ATG7: variants seen among roughly 807,000 people sequenced by gnomAD.
The protein encoded by ATG7 is ubiquitin-like modifier-activating enzyme ATG7.
Under a neutral mutation model 82.4 loss-of-function variants are expected in ATG7, and 70 were observed. The observed-to-expected ratio is 0.85, with a 90% CI of 0.70 to 1.04. The LOEUF is 1.04. Ranked by LOEUF, ATG7 falls within the 50% of genes least tolerant of loss-of-function variation. The pLI, the probability that ATG7 is intolerant of heterozygous loss-of-function variation, is 0.00. For missense variants in ATG7, 792 were observed against 864.3 expected (o/e 0.92, Z 1.05); for synonymous variants, 287 against 313.0 (o/e 0.92, Z 0.88).
At chr3:11,333,170 C>T (rs1210582414) in intron 11 of ATG7, 77 bp downstream of exon 11, 9 of 1,430,228 alleles carry the variant, frequency 6.3e-6, no homozygotes, top group Admixed American at 5.4e-5. Flanking sequence ...CTTTTCATAT[C>T]GTCACAATGG....
intron 11 of ATG7, among the ~76,000 whole-genome samples, chr3:11,338,023 T>A (rs1463033874): frequency 6.6e-6 from 1 of 152,124 alleles, no homozygotes; most frequent in Non-Finnish European, 1.5e-5. Context: ...TAAACTTGTT[T>A]CCCAGGGGTT....
At chr3:11,290,112 T>A (rs1944724277) in intron 3 of ATG7, among the ~76,000 whole-genome samples, 1 of 152,216 alleles carries the variant, frequency 6.6e-6, no homozygotes, top group African/African-American at 2.4e-5. Context: ...CCAATTAGTG[T>A]TCCAGCTCAC....
At chr3:11,493,540 A>T (rs1271401110) in intron 20 of ATG7, among the ~76,000 whole-genome samples, 1 of 152,160 alleles carries the variant, frequency 6.6e-6, no homozygotes, top group Non-Finnish European at 1.5e-5. Context: ...TGGGGTTTCC[A>T]CTGGGGACCT....
chr3:11,486,097 A>G (rs2089613259), intron 20 of ATG7, among the ~76,000 whole-genome samples: 1 of 152,294 alleles, frequency 6.6e-6, no homozygotes, highest in East Asian at 1.9e-4. Flanking sequence ...TGGTAGCTTG[A>G]TGGGGATGGC....
At chr3:11,421,159 A>G (rs1359381472) in intron 19 of ATG7, among the ~76,000 whole-genome samples, 1 of 152,104 alleles carries the variant, frequency 6.6e-6, no homozygotes, top group Non-Finnish European at 1.5e-5. Context: ...GATGGTGGCC[A>G]CCTGATCAGG....
At chr3:11,419,394 C>T (rs1576282794) in intron 19 of ATG7, among the ~76,000 whole-genome samples, 1 of 151,896 alleles carries the variant, frequency 6.6e-6, no homozygotes, top group South Asian at 2.1e-4. Context: ...TCTCTACTAA[C>T]AATACAAAAA....
intron 20 of ATG7, among the ~76,000 whole-genome samples, chr3:11,516,667 G>T (rs554802747): frequency 6.6e-6 from 1 of 152,308 alleles, no homozygotes; most frequent in East Asian, 1.9e-4. Flanking sequence ...AGAAGCAACC[G>T]AGATGTCCTT....
chr3:11,426,987 G>A lies in ATG7; in HGVS notation c.2079+61G>A, dbSNP rs780327568. On this transcript the variant is annotated intron_variant, in intron 20 of 20. Transcript: ENST00000693202. ...ACATGCTTAAAACTATTTGATATTC[G>A]CCATATGGAAAAGGAAGAAAGCAAT... is the stretch of plus-strand genomic sequence containing the variant. 77 of 1,475,962 alleles carry A rather than the reference G, an allele frequency of 5.2e-5. No individual in the cohort carries two copies. The East Asian group carries it at 9.1e-4, about 17-fold the overall frequency. The allele number at this position is 1,475,962 out of a possible 1,614,324, so 91.4% of individuals were successfully genotyped here. A position where few individuals can be genotyped will look rare whatever the true frequency, so the allele number is the denominator to read the frequency against.
At chr3:11,373,585 A>C (rs983970588) in intron 18 of ATG7, among the ~76,000 whole-genome samples, 4 of 152,204 alleles carry the variant, frequency 2.6e-5, no homozygotes, top group Non-Finnish European at 4.4e-5. Flanking sequence ...ACACTGAGCA[A>C]CACTTTGCTT....
chr3:11,366,269 G>C (rs191394717), intron 18 of ATG7, among the ~76,000 whole-genome samples: 15 of 149,388 alleles, frequency 1.0e-4, no homozygotes, highest in African/African-American at 3.0e-4. Context: ...TAGCCTCCCA[G>C]AGTCTCAGTT....
intron 3 of ATG7, among the ~76,000 whole-genome samples, chr3:11,285,539 G>C (rs1218979106): frequency 6.6e-6 from 1 of 152,008 alleles, no homozygotes; most frequent in East Asian, 1.9e-4. Flanking sequence ...TTAGCTTGTG[G>C]CTTTTTACAT....
chr3:11,382,604 A>G (rs150283645), intron 19 of ATG7, among the ~76,000 whole-genome samples: 40 of 152,348 alleles, frequency 2.6e-4, no homozygotes, highest in African/African-American at 7.2e-4. Flanking sequence ...TTTGACGTTT[A>G]TATGAGTTGC....
At chr3:11,457,922 A>G (rs1324254823) in intron 20 of ATG7, among the ~76,000 whole-genome samples, 6 of 152,166 alleles carry the variant, frequency 3.9e-5, no homozygotes, top group Non-Finnish European at 7.4e-5. Context: ...ATTGCCTGGT[A>G]TGGAGGAAGT....
chr3:11,377,087 G>C (rs189514735), intron 18 of ATG7, among the ~76,000 whole-genome samples: 3 of 152,176 alleles, frequency 2.0e-5, no homozygotes, highest in Non-Finnish European at 4.4e-5. Context: ...AAAATGACAG[G>C]CCTCAGAGCT....
chr3:11,381,503 GC>G (rs1179366536), intron 19 of ATG7, among the ~76,000 whole-genome samples: 1 of 152,134 alleles, frequency 6.6e-6, no homozygotes, highest in Non-Finnish European at 1.5e-5. Flanking sequence ...AATTAAATTA[GC>G]CTTTCAGATA....
At chr3:11,415,608 C>T (rs187852748) in intron 19 of ATG7, among the ~76,000 whole-genome samples, 148 of 152,178 alleles carry the variant, frequency 9.7e-4, no homozygotes, top group African/African-American at 3.4e-3. Flanking sequence ...ACAACATACA[C>T]ATTAGCCTAC....
At chr3:11,472,716 T>A (rs1405803340) in intron 20 of ATG7, among the ~76,000 whole-genome samples, 1 of 152,200 alleles carries the variant, frequency 6.6e-6, no homozygotes, top group Non-Finnish European at 1.5e-5. Context: ...TTTTGGTAAA[T>A]GCCTACCTCC....
intron 20 of ATG7, among the ~76,000 whole-genome samples, chr3:11,485,983 C>G (rs1044413474): frequency 1.2e-4 from 19 of 152,288 alleles, no homozygotes; most frequent in Admixed American, 5.2e-4. Context: ...CGTGATGCCT[C>G]CAGCTTTGCT....
At chr3:11,436,200 C>T (rs1416843839) in intron 20 of ATG7, among the ~76,000 whole-genome samples, 4 of 152,220 alleles carry the variant, frequency 2.6e-5, no homozygotes, top group African/African-American at 7.2e-5. Flanking sequence ...CAGATAATCA[C>T]ATGATAGCAT....
Sources: gnomAD v4.1 joint callset for allele counts (sites outside exome capture counted in the v4.1 genomes callset) on GRCh38, gnomAD v4.1.1 for gene constraint, MANE v1.5 for transcripts, NCBI Gene and HGNC (gene_info 2026-07-23, HGNC 2026-07-21) for gene names.